Variants in RABGAP1L observed in about 807,000 individuals in gnomAD.
The protein encoded by RABGAP1L is rab GTPase-activating protein 1-like.
A neutral mutation model predicts 137.7 loss-of-function variants in RABGAP1L; 63 were observed. That is an observed-to-expected ratio of 0.46 (90% CI 0.37 to 0.56). RABGAP1L has a LOEUF of 0.56. Among genes scored for constraint, RABGAP1L ranks in the 20% least tolerant of loss-of-function variants. RABGAP1L has a pLI of 0.00. For missense variants in RABGAP1L, 1,095 were observed against 1,244.0 expected (o/e 0.88, Z 1.80); for synonymous variants, 431 against 433.7 (o/e 0.99, Z 0.08).
intron 13 of RABGAP1L, among the ~76,000 whole-genome samples, chr1:174,498,350 T>G (rs1205062719): frequency 6.6e-6 from 1 of 152,210 alleles, no homozygotes; most frequent in African/African-American, 2.4e-5. Flanking sequence ...TTAAAAGGTC[T>G]TGTTGAATTC....
At chr1:174,379,055 A>C (rs1454205210) in intron 12 of RABGAP1L, among the ~76,000 whole-genome samples, 1 of 141,306 alleles carries the variant, frequency 7.1e-6, no homozygotes, top group African/African-American at 2.8e-5. Flanking sequence ...CCCTTTCCCC[A>C]TTGCTTGTTT....
intron 13 of RABGAP1L, among the ~76,000 whole-genome samples, chr1:174,424,237 G>C (rs1651688569): frequency 6.6e-6 from 1 of 152,016 alleles, no homozygotes; most frequent in Admixed American, 6.5e-5. Context: ...CCTAAAATAA[G>C]ATGTACTGTG....
chr1:174,551,455 C>A (rs1417042532), intron 13 of RABGAP1L, among the ~76,000 whole-genome samples: 1 of 151,886 alleles, frequency 6.6e-6, no homozygotes, highest in Non-Finnish European at 1.5e-5. Flanking sequence ...AAAATACATA[C>A]AACTGAATGA....
chr1:174,826,082 T>C (rs990757925), intron 19 of RABGAP1L, among the ~76,000 whole-genome samples: 2 of 152,128 alleles, frequency 1.3e-5, no homozygotes, highest in African/African-American at 4.8e-5. Flanking sequence ...TATCTGTTGT[T>C]CCCATCTCTA....
intron 12 of RABGAP1L, among the ~76,000 whole-genome samples, chr1:174,374,144 G>A (rs558192335): frequency 7.2e-5 from 11 of 152,314 alleles, no homozygotes; most frequent in African/African-American, 2.6e-4. Context: ...GGTAGCGTAT[G>A]CATTGATACC....
chr1:174,984,407 A>G (rs1440828662), intron 24 of RABGAP1L, among the ~76,000 whole-genome samples: 1 of 152,242 alleles, frequency 6.6e-6, no homozygotes, highest in Non-Finnish European at 1.5e-5. Flanking sequence ...AGGACAAGTT[A>G]TGTATACATG....
At chr1:174,434,108 TACACACAC>T (rs35509787) in intron 13 of RABGAP1L, among the ~76,000 whole-genome samples, 5,358 of 134,096 alleles carry the variant, frequency 0.04, 108 homozygotes, top group Middle Eastern at 0.098. Context: ...CGTGTACACA[TACACACAC>T]ACACACACAC....
intron 18 of RABGAP1L, chr1:174,799,961 C>T (rs1350623356): frequency 1.7e-5 from 17 of 996,244 alleles, no homozygotes; most frequent in Non-Finnish European, 2.0e-5. Context: ...CACACACACA[C>T]ACACACACAC....
chr1:174,171,201 C>G (rs1665355784), intron 1 of RABGAP1L, among the ~76,000 whole-genome samples: 1 of 152,118 alleles, frequency 6.6e-6, no homozygotes, highest in African/African-American at 2.4e-5. Context: ...TTATGGGTTA[C>G]TTATTTTCTG....
chr1:174,239,648 GAT>G (rs1177165666), intron 4 of RABGAP1L, among the ~76,000 whole-genome samples: 1 of 151,830 alleles, frequency 6.6e-6, no homozygotes, highest in African/African-American at 2.4e-5. Context: ...TTCCTCACTA[GAT>G]TATAAGCTTG....
chr1:174,737,347 A>C (rs1683043551), intron 17 of RABGAP1L, among the ~76,000 whole-genome samples: 1 of 152,148 alleles, frequency 6.6e-6, no homozygotes. Flanking sequence ...TAGGACTCAG[A>C]CACGATGCAG....
intron 19 of RABGAP1L, among the ~76,000 whole-genome samples, chr1:174,956,739 C>G (rs1385627475): frequency 6.6e-6 from 1 of 151,722 alleles, no homozygotes; most frequent in Non-Finnish European, 1.5e-5. Flanking sequence ...CCTCAGCTTC[C>G]CAGGTTCAAG....
intron 14 of RABGAP1L, among the ~76,000 whole-genome samples, chr1:174,639,299 A>T (rs1218174001): frequency 6.6e-6 from 1 of 152,156 alleles, no homozygotes; most frequent in Non-Finnish European, 1.5e-5. Flanking sequence ...TTATAATCTG[A>T]GAGTATACTG....
At chr1:174,628,720 G>C (rs1483655211) in intron 13 of RABGAP1L, among the ~76,000 whole-genome samples, 1 of 152,152 alleles carries the variant, frequency 6.6e-6, no homozygotes, top group Non-Finnish European at 1.5e-5. Context: ...TACAAAATGG[G>C]AGATACACCT....
intron 18 of RABGAP1L, among the ~76,000 whole-genome samples, chr1:174,754,519 G>T (rs1684569624): frequency 6.6e-6 from 1 of 151,968 alleles, no homozygotes; most frequent in African/African-American, 2.4e-5. Context: ...TTGAGACAGG[G>T]TCTTATTCTG....
intron 13 of RABGAP1L, among the ~76,000 whole-genome samples, chr1:174,469,357 G>C (rs1014604489): frequency 6.6e-6 from 1 of 152,160 alleles, no homozygotes; most frequent in Non-Finnish European, 1.5e-5. Context: ...TATTTTCTCT[G>C]ATGTTAATTA....
At chr1:174,669,004 C>T (rs7525545) in intron 14 of RABGAP1L, among the ~76,000 whole-genome samples, 1,814 of 152,066 alleles carry the variant, frequency 0.012, 38 homozygotes, top group African/African-American at 0.042. Flanking sequence ...ATTGTTAACC[C>T]CTCATCAGAT....
chr1:174,776,215 T>TA lies in RABGAP1L; in HGVS notation c.2211+23870dup, dbSNP rs543299066. Among the ~76,000 whole-genome samples the TA allele has an allele frequency of 7.4e-4, 111 of 150,832 alleles. No homozygotes were observed. The South Asian group carries it at 7.4e-3, about 10-fold the overall frequency. On this transcript the variant is annotated intron_variant, in intron 18 of 25. Transcript: ENST00000681986. ...TGAAACCCCTTCTCTACTAAAAGTA[T>TA]AAAAAAAAATTAGCTGGGTGTGGTG...
intron 13 of RABGAP1L, among the ~76,000 whole-genome samples, chr1:174,475,547 A>G (rs1658409810): frequency 6.6e-6 from 1 of 152,144 alleles, no homozygotes; most frequent in South Asian, 2.1e-4. Flanking sequence ...TGATGATCTT[A>G]TCTACTTTTG....
Sources: gnomAD v4.1 joint callset for allele counts (sites outside exome capture counted in the v4.1 genomes callset) on GRCh38, gnomAD v4.1.1 for gene constraint, MANE v1.5 for transcripts, NCBI Gene and HGNC (gene_info 2026-07-23, HGNC 2026-07-21) for gene names.